Variants in DNAH8 observed in about 807,000 individuals in gnomAD.
The protein encoded by DNAH8 is axonemal beta dynein heavy chain 8.
A neutral mutation model predicts 562.1 loss-of-function variants in DNAH8; 382 were observed. That is an observed-to-expected ratio of 0.68 (90% CI 0.63 to 0.74). DNAH8 has a LOEUF of 0.74. DNAH8 is among the 30% of genes least tolerant of loss of function. DNAH8 has a pLI of 0.00. For missense variants in DNAH8, 5,203 were observed against 5,620.4 expected, an observed-to-expected ratio of 0.93 and a Z score of 2.37; for synonymous variants, 1,881 against 1,919.4, an observed-to-expected ratio of 0.98 and a Z score of 0.52.
intron 7 of DNAH8, among the ~76,000 whole-genome samples, chr6:38,740,372 G>A (rs1425680307): frequency 3.9e-5 from 6 of 152,086 alleles, no homozygotes; most frequent in African/African-American, 1.4e-4. Flanking sequence ...TTCTGTGTGT[G>A]TAAAATAAGT....
At chr6:38,820,526 C>G (rs1327659861) in intron 26 of DNAH8, among the ~76,000 whole-genome samples, 1 of 152,066 alleles carries the variant, frequency 6.6e-6, no homozygotes, top group East Asian at 1.9e-4. Context: ...ACATACAAAG[C>G]TCAAACCATA....
At chr6:38,973,848 A>C (rs544173647) in intron 84 of DNAH8, 35 bp downstream of exon 84, 1 of 1,533,190 alleles carries the variant, frequency 6.5e-7, no homozygotes, top group South Asian at 1.2e-5. Flanking sequence ...CGAGAGTCAT[A>C]GTAATAAAGA....
Position 38,921,402 on chromosome 6 carries a change from G to C in DNAH8, c.10558G>C (p.Val3520Leu). The C allele has an allele frequency of 6.2e-7, 1 of 1,613,792 alleles. No individual in the cohort carries two copies. The highest frequency in any genetic ancestry group is 8.5e-7 in the Non-Finnish European group (1 of 1,179,866). Residue 3520 changes from valine to leucine, a missense_variant, in exon 71 of 93, where the codon GTT (valine) becomes CTT (leucine). By Grantham distance (32) the Val-to-Leu change is conservative. This residue lies in a region of DNAH8 where 1,399 missense variants were observed against 1,518.4 expected (regional missense o/e 0.92). Coordinates refer to ENST00000327475, the MANE Select transcript of DNAH8 (RefSeq NM_001206927.2). ...NLAKQEGRLA[V>L]ANAELGKAQA... Reference sequence around the variant, plus strand: ...GGCCAAGCAGGAAGGCCGGTTAGCAGTTGCTAATGCTGAGTTAGGGAAGGC... The same window carrying C: ...GGCCAAGCAGGAAGGCCGGTTAGCACTTGCTAATGCTGAGTTAGGGAAGGC...
intron 87 of DNAH8, among the ~76,000 whole-genome samples, chr6:38,986,255 G>C (rs757178012): frequency 6.6e-6 from 1 of 152,188 alleles, no homozygotes; most frequent in Non-Finnish European, 1.5e-5. Context: ...AGAGGCCTAT[G>C]GTGGCATATA....
At chr6:38,903,568 T>C (rs1780222424) in intron 62 of DNAH8, among the ~76,000 whole-genome samples, 1 of 151,866 alleles carries the variant, frequency 6.6e-6, no homozygotes, top group African/African-American at 2.4e-5. Flanking sequence ...CCAAACTATA[T>C]TATGCTCCCA....
chr6:38,952,710 A>G (rs928431571), intron 82 of DNAH8, among the ~76,000 whole-genome samples: 3 of 152,048 alleles, frequency 2.0e-5, no homozygotes, highest in Non-Finnish European at 1.5e-5. Flanking sequence ...ACTTCACTCT[A>G]TTTGTTGTCA....
intron 8 of DNAH8, among the ~76,000 whole-genome samples, chr6:38,749,303 A>G (rs1765223856): frequency 6.6e-6 from 1 of 152,190 alleles, no homozygotes; most frequent in Non-Finnish European, 1.5e-5. Context: ...GTACTCACTC[A>G]TAAGTGGGAG....
At chr6:38,718,436 C>A (rs1003920150) in intron 1 of DNAH8, among the ~76,000 whole-genome samples, 9 of 152,136 alleles carry the variant, frequency 5.9e-5, no homozygotes, top group African/African-American at 2.2e-4. Flanking sequence ...TGTTACCTGC[C>A]AAGCAATATT....
chr6:38,885,905 A>T (rs1306122933), intron 56 of DNAH8, among the ~76,000 whole-genome samples: 1 of 152,186 alleles, frequency 6.6e-6, no homozygotes, highest in African/African-American at 2.4e-5. Flanking sequence ...CACCACTAGA[A>T]TGTGTGCTTC....
chr6:38,803,399 C>A, intron 22 of DNAH8, 88 bp downstream of exon 22: 1 of 912,054 alleles, frequency 1.1e-6, no homozygotes, highest in Non-Finnish European at 1.7e-6. Context: ...TACTGAATTC[C>A]AGACCCTCCC....
intron 12 of DNAH8, among the ~76,000 whole-genome samples, chr6:38,775,553 C>T (rs1273715996): frequency 1.3e-5 from 2 of 152,178 alleles, no homozygotes; most frequent in African/African-American, 4.8e-5. Flanking sequence ...GATAGAACAT[C>T]TTCTGTCTTA....
Position 38,951,006 on chromosome 6 carries a change from C to A in DNAH8, c.12249-312C>A, listed in dbSNP as rs1353897162. Among the ~76,000 whole-genome samples, 5 of 152,242 alleles carry A rather than the reference C, an allele frequency of 3.3e-5. No individual in the cohort carries two copies. The East Asian group carries it at 9.7e-4, about 29-fold the overall frequency. On this transcript the variant is annotated intron_variant, in intron 81 of 92. Transcript: ENST00000327475. ...GGGCATCTTTGGCATATTGGTTCCT[C>A]CTCTGAAAAGGCTGTGGAGCTTCAG...
chr6:38,756,628 T>C (rs1765932311), intron 10 of DNAH8, among the ~76,000 whole-genome samples: 1 of 151,872 alleles, frequency 6.6e-6, no homozygotes, highest in South Asian at 2.1e-4. Context: ...CATTAACTCG[T>C]CATTTAACAT....
intron 70 of DNAH8, among the ~76,000 whole-genome samples, 153 bp downstream of exon 70, chr6:38,918,293 T>G (rs1781461441): frequency 6.6e-6 from 1 of 152,208 alleles, no homozygotes. Flanking sequence ...CTCTCAAAGT[T>G]TCTCCTTCTT....
intron 88 of DNAH8, among the ~76,000 whole-genome samples, chr6:38,991,573 A>T (rs4714204): frequency 0.82 from 125,080 of 152,084 alleles, 51,831 homozygotes; most frequent in Middle Eastern, 0.88. Flanking sequence ...ACACTCTGAG[A>T]CAAGGTCAAA....
At chr6:38,999,555 A>G (rs1376285956) in intron 88 of DNAH8, among the ~76,000 whole-genome samples, 1 of 152,106 alleles carries the variant, frequency 6.6e-6, no homozygotes, top group Non-Finnish European at 1.5e-5. Context: ...CTCAAATTAT[A>G]TCTTTCTGAT....
At chr6:38,955,056 C>CT (rs1163883233) in intron 82 of DNAH8, among the ~76,000 whole-genome samples, 2 of 152,178 alleles carry the variant, frequency 1.3e-5, no homozygotes. Flanking sequence ...AAGCCTTGAC[C>CT]TCCCAGGCTC....
At chr6:38,794,983 G>A (rs917400390) in intron 21 of DNAH8, among the ~76,000 whole-genome samples, 1 of 152,040 alleles carries the variant, frequency 6.6e-6, no homozygotes, top group African/African-American at 2.4e-5. Flanking sequence ...TTTAGAGTTT[G>A]TCTCTGAACT....
At chr6:38,858,920 C>G (rs1015146763) in intron 42 of DNAH8, among the ~76,000 whole-genome samples, 5 of 152,052 alleles carry the variant, frequency 3.3e-5, no homozygotes, top group Admixed American at 1.3e-4. Context: ...AAACTGAAGT[C>G]CTGTGAAAGA....
Sources: gnomAD v4.1 joint callset for allele counts (sites outside exome capture counted in the v4.1 genomes callset) on GRCh38, gnomAD v4.1.1 for gene constraint, gnomAD v4.1.1 regional missense constraint, MANE v1.5 for transcripts, NCBI Gene and HGNC (gene_info 2026-07-23, HGNC 2026-07-21) for gene names.